The following PREP variants were observed in gnomAD, a reference collection of about 807,000 sequenced individuals.
PREP encodes prolyl endopeptidase, also known as dJ355L5.1 (prolyl endopeptidase).
A neutral mutation model predicts 87.6 loss-of-function variants in PREP; 29 were observed. The ratio of observed to expected loss-of-function variants is 0.33; its 90% CI spans 0.25 to 0.45. The LOEUF is 0.45. PREP is among the 20% of genes least tolerant of loss of function. The pLI, the probability that PREP is intolerant of heterozygous loss-of-function variation, is 1.00. For synonymous variants in PREP, 337 were observed against 328.6 expected (o/e 1.03, Z -0.28); for missense variants, 695 against 886.5 (o/e 0.78, Z 2.74).
At chr6:105,387,740 C>G (rs1312068289) in intron 2 of PREP, among the ~76,000 whole-genome samples, 1 of 152,196 alleles carries the variant, frequency 6.6e-6, no homozygotes, top group Admixed American at 6.5e-5. Flanking sequence ...CATCCTGGGC[C>G]ACATGTGGCC....
chr6:105,332,430 T>C (rs1006530064), intron 8 of PREP, among the ~76,000 whole-genome samples: 1 of 152,176 alleles, frequency 6.6e-6, no homozygotes, highest in African/African-American at 2.4e-5. Context: ...TGTGCTTTAA[T>C]TCACGGAAAA....
chr6:105,396,263 C>T (rs539030171), intron 2 of PREP, among the ~76,000 whole-genome samples: 1 of 152,310 alleles, frequency 6.6e-6, no homozygotes, highest in East Asian at 1.9e-4. Context: ...ATTAGGAAAT[C>T]TCAAAATAGC....
intron 12 of PREP, among the ~76,000 whole-genome samples, chr6:105,284,247 C>A (rs1434533197): frequency 1.3e-5 from 2 of 152,084 alleles, no homozygotes; most frequent in Admixed American, 1.3e-4. Flanking sequence ...AACGATGGAC[C>A]AGATGGCCGG....
chr6:105,333,231 C>G, intron 8 of PREP, 83 bp downstream of exon 8: 1 of 1,320,558 alleles, frequency 7.6e-7, no homozygotes, highest in Non-Finnish European at 1.1e-6. Context: ...TGTAACAGAT[C>G]ACTAGAGAAT....
intron 10 of PREP, among the ~76,000 whole-genome samples, chr6:105,310,604 C>T (rs187324342): frequency 7.9e-5 from 12 of 152,284 alleles, no homozygotes; most frequent in African/African-American, 2.9e-4. Context: ...GTTGGTTCAG[C>T]TCTCACCTCC....
At chr6:105,337,415 T>C (rs532544167) in intron 7 of PREP, among the ~76,000 whole-genome samples, 13 of 152,204 alleles carry the variant, frequency 8.5e-5, no homozygotes, top group African/African-American at 1.9e-4. Context: ...CCTGAACTCA[T>C]GTGATGGCCT....
chr6:105,370,794 A>G (rs1392702559), intron 5 of PREP, among the ~76,000 whole-genome samples: 2 of 152,226 alleles, frequency 1.3e-5, no homozygotes, highest in African/African-American at 4.8e-5. Context: ...TCTAATTCCA[A>G]CTACAGGATG....
In PREP at chr6:105,277,127, T is replaced by TATC. The variant is rs894367957; in HGVS notation, c.*1014_*1016dup. On this transcript the variant is annotated 3_prime_UTR_variant, in exon 15 of 15. Coordinates refer to ENST00000652536, the MANE Select transcript of PREP (RefSeq NM_002726.5). Reference sequence around the variant, plus strand: ...ATGGATGAAAGTTTAAGGAATAGTATATCTTAAAAATCTTGGGGGTGGGCA... The same window carrying TATC: ...ATGGATGAAAGTTTAAGGAATAGTATATCATCTTAAAAATCTTGGGGGTGGGCA... Among the ~76,000 whole-genome samples, 1 of 151,748 alleles carries TATC rather than the reference T, an allele frequency of 6.6e-6. No homozygotes were observed. The highest frequency in any genetic ancestry group is 1.5e-5 in the Non-Finnish European group (1 of 67,966).
Position 105,333,426 on chromosome 6 carries a change from T to A in PREP, c.903A>T (p.Thr301=), listed in dbSNP as rs781762348. 6.2e-7 allele frequency: 1 copy of A among 1,614,206 alleles called. No homozygotes were observed. Among genetic ancestry groups the A allele is most frequent in the South Asian group, 1.1e-5 (1 of 91,090 alleles). Residue 301 remains threonine, a synonymous_variant, in exon 8 of 15, where the codon ACA becomes ACT. Coordinates refer to ENST00000652536, the MANE Select transcript of PREP (RefSeq NM_002726.5). The part of the protein sequence containing the change: ...DYVTNEGTVF[T]FKTNRQSPNY... ...TGGGAGACTGGCGATTCGTCTTGAA[T>A]GTGAACACCGTCCCCTCATTGGTCA...
chr6:105,360,397 T>C (rs1286972413), intron 6 of PREP, among the ~76,000 whole-genome samples: 5 of 152,222 alleles, frequency 3.3e-5, no homozygotes, highest in African/African-American at 9.6e-5. Context: ...GAAACCTTTT[T>C]AAGTCTTGGC....
At position 105,323,664 on chromosome 6, in the gene PREP, C is replaced by A. The variant is rs1187471713; in HGVS notation, c.1317+1G>T. 6.2e-7 allele frequency: 1 copy of A among 1,603,636 alleles called. No individual in the cohort carries two copies. The highest frequency in any genetic ancestry group is 1.3e-5 in the African/African-American group (1 of 74,826). On this transcript the variant is annotated splice_donor_variant, in intron 10 of 14. Coordinates refer to ENST00000652536, the MANE Select transcript of PREP (RefSeq NM_002726.5). LOFTEE classifies it high-confidence loss of function. ...CATTAATGAGATCATATTCTCCATA[C>A]CTGGACTGTCTGGTAATCAGAAGCA...
rs537676846 is a variant in PREP, at chr6:105,278,739, C to A, written c.1839-301G>T. Among the ~76,000 whole-genome samples, 5 of 151,952 alleles carry A rather than the reference C, an allele frequency of 3.3e-5. No homozygotes were observed. In the South Asian group the frequency reaches 1.0e-3, roughly 31 times the overall value. On this transcript the variant is annotated intron_variant, in intron 14 of 14. Transcript: ENST00000652536. The surrounding 1 kb of genome is among the most constrained non-coding windows in gnomAD (Gnocchi z 4.2). ...CTCTTAAGGTGAGTAGTTTCATATT[C>A]TCTAGGCTTTTTTTTTACTGCTACA...
chr6:105,296,391 T>C (rs750891294), intron 10 of PREP, among the ~76,000 whole-genome samples: 11 of 152,202 alleles, frequency 7.2e-5, no homozygotes, highest in Non-Finnish European at 1.5e-4. Flanking sequence ...AACAGTTTTT[T>C]TTTTTAACTT....
Position 105,402,921 on chromosome 6 carries a change from G to T in PREP, c.-30C>A, listed in dbSNP as rs1173091940. On this transcript the variant is annotated 5_prime_UTR_variant, in exon 1 of 15. Coordinates refer to ENST00000652536, the MANE Select transcript of PREP (RefSeq NM_002726.5). ...GGGGACAGGCAGGGGGCAGCGTGGA[G>T]GGGCGCGGGCTCCGGGAGCGGACCT... 2 of 1,378,038 alleles carry T rather than the reference G, an allele frequency of 1.5e-6. No homozygotes were observed. Among genetic ancestry groups the T allele is most frequent in the African/African-American group, 2.9e-5 (2 of 68,616 alleles). 85.4% of individuals were successfully genotyped at this position (1,378,038 alleles called of 1,614,324 possible). A position where few individuals can be genotyped will look rare whatever the true frequency, so the allele number is the denominator to read the frequency against.
At position 105,391,488 on chromosome 6, in the gene PREP, C is replaced by T. The variant is rs576451729; in HGVS notation, c.120+6365G>A. Among the ~76,000 whole-genome samples the T allele has an allele frequency of 8.5e-5, 13 of 152,310 alleles. No homozygotes were observed. The South Asian group carries it at 2.7e-3, about 32-fold the overall frequency. The stretch of plus-strand genomic sequence containing the variant: ...CCTCCCATCTTGGCCTCCCAAAGTG[C>T]TGAGATTATATGTGTGAGCCACTGT... On this transcript the variant is annotated intron_variant, in intron 2 of 14. Transcript: ENST00000652536.
intron 6 of PREP, among the ~76,000 whole-genome samples, chr6:105,363,925 G>C (rs1268103899): frequency 6.6e-6 from 1 of 152,106 alleles, no homozygotes; most frequent in Non-Finnish European, 1.5e-5. Flanking sequence ...CTAAAATCGA[G>C]GGGATGTCTC....
At chr6:105,365,782 G>A (rs961047804) in intron 6 of PREP, among the ~76,000 whole-genome samples, 1 of 152,022 alleles carries the variant, frequency 6.6e-6, no homozygotes, top group African/African-American at 2.4e-5. Context: ...CGGAGCCCAC[G>A]AGTTTTCTTA....
chr6:105,279,990 G>GA, intron 14 of PREP, among the ~76,000 whole-genome samples: 1 of 152,158 alleles, frequency 6.6e-6, no homozygotes, highest in Non-Finnish European at 1.5e-5. Context: ...TGCATGTACT[G>GA]AAAAGTAATA....
At chr6:105,397,185 CAA>C (rs67107334) in intron 2 of PREP, among the ~76,000 whole-genome samples, 20 of 86,828 alleles carry the variant, frequency 2.3e-4, no homozygotes, top group Admixed American at 6.7e-4. Context: ...ACTCTGTCTA[CAA>C]AAAAAAAAAA....
Sources: allele counts gnomAD v4.1 joint callset (sites outside exome capture counted in the v4.1 genomes callset), GRCh38; gene constraint gnomAD v4.1.1; non-coding constraint Gnocchi (gnomAD v3.1); transcripts MANE v1.5; gene names NCBI Gene and HGNC (gene_info 2026-07-23, HGNC 2026-07-21).